The following CHODL variants were observed in gnomAD, a reference collection of about 807,000 sequenced individuals.
The protein encoded by CHODL is transmembrane protein MT75.
A neutral mutation model predicts 34.5 loss-of-function variants in CHODL; 29 were observed. That is an observed-to-expected ratio of 0.84 (90% confidence interval 0.63 to 1.15). The LOEUF (loss-of-function observed/expected upper bound fraction) is 1.15, where lower values mean the gene tolerates loss of function less well. CHODL is among the 50% of genes most tolerant of loss of function. CHODL has a pLI of 0.00. For synonymous variants in CHODL, 125 were observed against 116.1 expected, an observed-to-expected ratio of 1.08 and a Z score of -0.49; for missense variants, 332 against 332.5, an observed-to-expected ratio of 1.00 and a Z score of 0.01.
At chr21:18,031,871 A>T (rs139427116) in intron 2 of CHODL, among the ~76,000 whole-genome samples, 1 of 152,244 alleles carries the variant, frequency 6.6e-6, no homozygotes, top group East Asian at 1.9e-4. Flanking sequence ...ACCTTTGAGA[A>T]AAAACAAGTA....
intron 2 of CHODL, among the ~76,000 whole-genome samples, chr21:18,053,456 G>T (rs1451761722): frequency 6.6e-6 from 1 of 151,786 alleles, no homozygotes; most frequent in East Asian, 1.9e-4. Context: ...TATGGAATTG[G>T]TCTAGCATGA....
At chr21:18,155,916 T>G (rs2073028852) in intron 2 of CHODL, among the ~76,000 whole-genome samples, 1 of 152,186 alleles carries the variant, frequency 6.6e-6, no homozygotes, top group South Asian at 2.1e-4. Context: ...AGGGTCATCA[T>G]TTTGCTAAAA....
At chr21:18,188,634 T>G (rs2073473463) in intron 2 of CHODL, among the ~76,000 whole-genome samples, 2 of 152,242 alleles carry the variant, frequency 1.3e-5, no homozygotes, top group African/African-American at 4.8e-5. Flanking sequence ...TGGGATATGT[T>G]GACGTTTTGG....
At chr21:18,147,093 A>G (rs907931403) in intron 2 of CHODL, among the ~76,000 whole-genome samples, 7 of 152,152 alleles carry the variant, frequency 4.6e-5, no homozygotes, top group African/African-American at 1.7e-4. Flanking sequence ...ATATTTTTTA[A>G]ATGTGCTACT....
At chr21:17,992,729 T>C (rs2063808857) in intron 1 of CHODL, among the ~76,000 whole-genome samples, 1 of 144,228 alleles carries the variant, frequency 6.9e-6, no homozygotes, top group East Asian at 2.0e-4. Flanking sequence ...TTTTTTTTTT[T>C]TTTTTTTTTT....
intron 2 of CHODL, among the ~76,000 whole-genome samples, chr21:18,160,346 CTTTTA>C (rs1439391468): frequency 7.3e-5 from 11 of 151,422 alleles, no homozygotes; most frequent in Non-Finnish European, 1.3e-4. Context: ...TTTTTTTTAA[CTTTTA>C]TTTTAAGTTC....
At chr21:18,088,833 C>T (rs773155280) in intron 2 of CHODL, among the ~76,000 whole-genome samples, 1 of 152,212 alleles carries the variant, frequency 6.6e-6, no homozygotes, top group Admixed American at 6.5e-5. Flanking sequence ...TGTACAGGAG[C>T]AGCAATGGAT....
At chr21:18,210,043 G>A (rs1490253070) in intron 2 of CHODL, among the ~76,000 whole-genome samples, 3 of 152,144 alleles carry the variant, frequency 2.0e-5, no homozygotes, top group South Asian at 2.1e-4. Context: ...TCTGAGCCCC[G>A]CACAACACCA....
At chr21:18,009,908 T>A in intron 1 of CHODL, among the ~76,000 whole-genome samples, 1 of 127,360 alleles carries the variant, frequency 7.9e-6, no homozygotes, top group Middle Eastern at 4.7e-3. Context: ...AAATAACATT[T>A]GGGTATCAAT....
Position 18,061,351 on chromosome 21 carries a change from T to C in CHODL, c.-45+33380T>C, listed in dbSNP as rs138127008. 2.7e-3 allele frequency among the ~76,000 whole-genome samples: 412 copies of C among 152,220 alleles called. 3 individuals are homozygous for C. Among genetic ancestry groups the C allele is most frequent in the Admixed American group, 3.7e-3 (57 of 15,284 alleles). ...AGGAAATACTAGCTGTACAAATATA[T>C]ATAAGCAGTAATGTAAGGGAAAAAA... On this transcript the variant is annotated intron_variant, in intron 2 of 6. Transcript: ENST00000400127.
chr21:18,219,491 T>C (rs1405902772), intron 2 of CHODL, among the ~76,000 whole-genome samples: 1 of 152,106 alleles, frequency 6.6e-6, no homozygotes, highest in Non-Finnish European at 1.5e-5. Context: ...AGCCAAACCA[T>C]ATCAACCTTC....
At chr21:17,941,651 ATTATT>A (rs1051550162) in intron 1 of CHODL, among the ~76,000 whole-genome samples, 1 of 152,218 alleles carries the variant, frequency 6.6e-6, no homozygotes, top group Non-Finnish European at 1.5e-5. Flanking sequence ...TTTTCAAAAA[ATTATT>A]TTGTGATATT....
chr21:18,120,783 G>C (rs547565347), intron 2 of CHODL, among the ~76,000 whole-genome samples: 4 of 150,392 alleles, frequency 2.7e-5, no homozygotes, highest in Non-Finnish European at 5.9e-5. Flanking sequence ...GACTTCTCTT[G>C]TAACCATTCA....
chr21:18,150,780 T>C (rs1056581486), intron 2 of CHODL, among the ~76,000 whole-genome samples: 2 of 152,118 alleles, frequency 1.3e-5, no homozygotes, highest in Non-Finnish European at 2.9e-5. Flanking sequence ...GTCTTGGGAC[T>C]GGCCATAAAG....
chr21:18,251,740 ATTTT>A (rs1222940619), intron 1 of CHODL, among the ~76,000 whole-genome samples: 1 of 137,188 alleles, frequency 7.3e-6, no homozygotes, highest in Admixed American at 7.6e-5. Context: ...TATTTTATTT[ATTTT>A]ATTTATTTAT....
At chr21:17,992,602 T>A (rs1353502546) in intron 1 of CHODL, among the ~76,000 whole-genome samples, 3 of 152,084 alleles carry the variant, frequency 2.0e-5, no homozygotes, top group Non-Finnish European at 4.4e-5. Context: ...CTTGATGTCT[T>A]TTTTTAGATA....
chr21:18,153,906 G>A (rs1407471127), intron 2 of CHODL, among the ~76,000 whole-genome samples: 2 of 152,078 alleles, frequency 1.3e-5, no homozygotes, highest in East Asian at 1.9e-4. Flanking sequence ...GGGTTCAGGT[G>A]GGGCAGTGCA....
intron 2 of CHODL, among the ~76,000 whole-genome samples, chr21:18,216,876 C>T (rs1290783525): frequency 6.6e-6 from 1 of 152,082 alleles, no homozygotes; most frequent in Non-Finnish European, 1.5e-5. Flanking sequence ...TGGGGGAAAC[C>T]GCCCCCATGA....
chr21:18,065,089 G>A (rs550033340), intron 2 of CHODL, among the ~76,000 whole-genome samples: 53 of 152,284 alleles, frequency 3.5e-4, no homozygotes, highest in African/African-American at 1.2e-3. Context: ...CTGTGGAAAG[G>A]ACTGGTGCTT....
Sources: allele counts gnomAD v4.1 joint callset (sites outside exome capture counted in the v4.1 genomes callset), GRCh38; gene constraint gnomAD v4.1.1; transcripts MANE v1.5; gene names NCBI Gene and HGNC (gene_info 2026-07-23, HGNC 2026-07-21).